EGFR: variants seen among roughly 807,000 people sequenced by gnomAD.
The protein encoded by EGFR is avian erythroblastic leukemia viral (v-erb-b) oncogene homolog.
A neutral mutation model predicts 143.0 loss-of-function variants in EGFR; 58 were observed. The ratio of observed to expected loss-of-function variants is 0.41; its 90% CI spans 0.33 to 0.50. EGFR has a LOEUF of 0.50. Among genes scored for constraint, EGFR ranks in the 20% least tolerant of loss-of-function variants. The probability of loss-of-function intolerance (pLI) is 0.39; values close to 1 mark genes in which losing one functional copy is unlikely to be tolerated. For synonymous variants in EGFR, 613 were observed against 594.4 expected (o/e 1.03, Z -0.45); for missense variants, 1,307 against 1,579.0 (o/e 0.83, Z 2.92).
At chr7:55,194,462 A>G (rs904653422) in intron 22 of EGFR, among the ~76,000 whole-genome samples, 18 of 152,038 alleles carry the variant, frequency 1.2e-4, no homozygotes, top group Non-Finnish European at 7.4e-5. Flanking sequence ...TCCTGACCTC[A>G]TGATCTGCCC....
intron 1 of EGFR, among the ~76,000 whole-genome samples, chr7:55,066,476 A>G (rs534680074): frequency 3.5e-4 from 54 of 152,336 alleles, no homozygotes; most frequent in African/African-American, 1.2e-3. Flanking sequence ...AGCCTGCGGC[A>G]CACAAGTAAA....
intron 20 of EGFR, among the ~76,000 whole-genome samples, chr7:55,189,709 C>T (rs1787302660): frequency 6.6e-6 from 1 of 152,134 alleles, no homozygotes; most frequent in African/African-American, 2.4e-5. Context: ...TCAACAGCTA[C>T]CACAGAGGAC....
intron 12 of EGFR, among the ~76,000 whole-genome samples, chr7:55,160,913 G>A (rs41367446): frequency 1.9e-3 from 294 of 152,278 alleles, no homozygotes; most frequent in Middle Eastern, 0.014. Flanking sequence ...TTCCTACGCC[G>A]TAGTGCTTTG....
At chr7:55,085,226 G>A (rs1357804682) in intron 1 of EGFR, among the ~76,000 whole-genome samples, 1 of 152,240 alleles carries the variant, frequency 6.6e-6, no homozygotes, top group Non-Finnish European at 1.5e-5. Flanking sequence ...ACTGATGCCA[G>A]CAGACACATT....
At chr7:55,201,976 G>T (rs199673214) in intron 26 of EGFR, among the ~76,000 whole-genome samples, 194 bp downstream of exon 26, 1 of 31,752 alleles carries the variant, frequency 3.1e-5, no homozygotes, top group Admixed American at 3.3e-4. Context: ...TAGTAGCATC[G>T]CCTGGCCTTG....
chr7:55,163,669 T>C, intron 13 of EGFR, 64 bp from the exon 14 acceptor site: 2 of 1,388,378 alleles, frequency 1.4e-6, no homozygotes, highest in Non-Finnish European at 2.1e-6. Context: ...TTTGAAGAGG[T>C]GATTTGTGTT....
At chr7:55,095,237 C>A (rs1345823955) in intron 1 of EGFR, among the ~76,000 whole-genome samples, 1 of 152,204 alleles carries the variant, frequency 6.6e-6, no homozygotes, top group African/African-American at 2.4e-5. Context: ...TCCGACTGGC[C>A]CTCCACCATG....
chr7:55,159,974 C>G (rs1437160484), intron 11 of EGFR, among the ~76,000 whole-genome samples, 165 bp from the exon 12 acceptor site: 1 of 152,228 alleles, frequency 6.6e-6, no homozygotes, highest in Non-Finnish European at 1.5e-5. Context: ...ACTTTAAAAA[C>G]ACCTGCAGTT....
intron 15 of EGFR, among the ~76,000 whole-genome samples, chr7:55,169,708 C>T (rs1046887610): frequency 5.9e-5 from 9 of 152,258 alleles, no homozygotes; most frequent in South Asian, 4.2e-4. Flanking sequence ...AGGAGCCCCT[C>T]GCCTTCTGAC....
intron 1 of EGFR, among the ~76,000 whole-genome samples, chr7:55,086,238 G>T (rs1790750602): frequency 6.6e-6 from 1 of 152,204 alleles, no homozygotes; most frequent in Non-Finnish European, 1.5e-5. Flanking sequence ...CCAGGGGCTT[G>T]CACCCCGGAG....
intron 18 of EGFR, 118 bp downstream of exon 18, chr7:55,174,161 T>C (rs2128954030): frequency 7.1e-7 from 1 of 1,417,088 alleles, no homozygotes; most frequent in Non-Finnish European, 9.6e-7. Flanking sequence ...TTTGTTTCAC[T>C]GAGTGTTTGG....
chr7:55,103,476 T>A (rs139482250), intron 1 of EGFR, among the ~76,000 whole-genome samples: 1 of 152,358 alleles, frequency 6.6e-6, no homozygotes, highest in African/African-American at 2.4e-5. Context: ...CAGAATGTGA[T>A]CCACCATTTA....
At chr7:55,139,122 G>T (rs1015910277) in intron 1 of EGFR, among the ~76,000 whole-genome samples, 2 of 152,148 alleles carry the variant, frequency 1.3e-5, no homozygotes, top group South Asian at 2.1e-4. Context: ...TCCAATAAAC[G>T]CACTTTGGAA....
chr7:55,174,650 C>T (rs2128954409), intron 18 of EGFR, 72 bp from the exon 19 acceptor site: 4 of 1,299,882 alleles, frequency 3.1e-6, no homozygotes, highest in African/African-American at 1.5e-5. Flanking sequence ...TAACATCCAC[C>T]CAGATCACTG....
intron 1 of EGFR, among the ~76,000 whole-genome samples, chr7:55,121,003 G>A (rs1409145098): frequency 6.6e-6 from 1 of 152,148 alleles, no homozygotes; most frequent in Non-Finnish European, 1.5e-5. Context: ...CAGGGCCAAG[G>A]GGAAAGAGAT....
At chr7:55,160,002 G>T in intron 11 of EGFR, 137 bp from the exon 12 acceptor site, 1 of 874,386 alleles carries the variant, frequency 1.1e-6, no homozygotes, top group South Asian at 1.5e-5. Flanking sequence ...GGTGCAGTGT[G>T]TGCCTCCCAC....
chr7:55,041,135 A>T (rs945546048), intron 1 of EGFR, among the ~76,000 whole-genome samples: 2 of 152,204 alleles, frequency 1.3e-5, no homozygotes, highest in African/African-American at 4.8e-5. Flanking sequence ...CATAAAATCC[A>T]GGCGCAGTGG....
At chr7:55,021,262 C>T (rs979576434) in intron 1 of EGFR, among the ~76,000 whole-genome samples, 1 of 152,190 alleles carries the variant, frequency 6.6e-6, no homozygotes, top group Non-Finnish European at 1.5e-5. Flanking sequence ...CCGGGAGACG[C>T]GGGCCTGCTC....
At chr7:55,180,232 C>T (rs1388982902) in intron 19 of EGFR, 1 of 152,220 alleles carries the variant, frequency 6.6e-6, no homozygotes, top group Non-Finnish European at 1.5e-5. Context: ...CTGCTACAGT[C>T]TGTGTGTTCT....
Sources: gnomAD v4.1 joint callset for allele counts (sites outside exome capture counted in the v4.1 genomes callset) on GRCh38, gnomAD v4.1.1 for gene constraint, MANE v1.5 for transcripts, NCBI Gene and HGNC (gene_info 2026-07-23, HGNC 2026-07-21) for gene names.